KHDRBS3: variants seen among roughly 807,000 people sequenced by gnomAD.
The protein encoded by KHDRBS3 is KH domain-containing, RNA-binding, signal transduction-associated protein 3.
KHDRBS3 carries 23 observed loss-of-function variants against 45.6 expected under a neutral mutation model. That is an observed-to-expected ratio of 0.50 (90% CI 0.36 to 0.72). KHDRBS3 has a LOEUF of 0.72. KHDRBS3 is among the 30% of genes least tolerant of loss of function. The pLI is 0.00. For synonymous variants in KHDRBS3, 162 were observed against 156.5 expected (o/e 1.04, Z -0.26); for missense variants, 352 against 424.8 (o/e 0.83, Z 1.51).
At chr8:135,520,795 A>G (rs552298380) in intron 1 of KHDRBS3, among the ~76,000 whole-genome samples, 1 of 152,192 alleles carries the variant, frequency 6.6e-6, no homozygotes, top group Non-Finnish European at 1.5e-5. Flanking sequence ...AAGGTTGTCT[A>G]GGGTGTTTAA....
chr8:135,627,211 C>G (rs1029327048), intron 7 of KHDRBS3, among the ~76,000 whole-genome samples: 3 of 152,162 alleles, frequency 2.0e-5, no homozygotes, highest in Non-Finnish European at 4.4e-5. Context: ...TACTAAGAAT[C>G]CAGACTGCTT....
intron 5 of KHDRBS3, among the ~76,000 whole-genome samples, chr8:135,580,880 T>TG (rs1828173279): frequency 1.3e-5 from 2 of 152,226 alleles, no homozygotes; most frequent in South Asian, 2.1e-4. Context: ...CCCAAAGTGC[T>TG]GGGATTACAG....
At chr8:135,501,851 C>T (rs994597402) in intron 1 of KHDRBS3, among the ~76,000 whole-genome samples, 5 of 152,190 alleles carry the variant, frequency 3.3e-5, no homozygotes, top group South Asian at 4.1e-4. Flanking sequence ...TAGTAATTCT[C>T]GCTTTTTGCA....
Position 135,646,957 on chromosome 8 carries a change from C to T in KHDRBS3, c.950-36C>T, listed in dbSNP as rs773474358. ...AAAATGAAGCCTGTGGGATTCATGGCAGTGATCTAATTGTGATTCATCTTA... is the reference window on the plus strand; with the variant it reads ...AAAATGAAGCCTGTGGGATTCATGGTAGTGATCTAATTGTGATTCATCTTA... On this transcript the variant is annotated intron_variant, in intron 8 of 8. Transcript: ENST00000355849. 2.0e-5 allele frequency: 22 copies of T among 1,096,872 alleles called. 1 individual carries two copies. In the South Asian group the frequency reaches 2.7e-4, roughly 14 times the overall value. The allele number at this position is 1,096,872 out of a possible 1,614,324, so 67.9% of individuals were successfully genotyped here.
chr8:135,530,438 A>G (rs566479128), intron 2 of KHDRBS3, among the ~76,000 whole-genome samples: 2 of 152,346 alleles, frequency 1.3e-5, no homozygotes, highest in East Asian at 3.9e-4. Context: ...CATTAAAAGA[A>G]ATAATCAATA....
chr8:135,655,223 C>G (rs1039919944), intron 4 of KHDRBS3, among the ~76,000 whole-genome samples: 5 of 152,174 alleles, frequency 3.3e-5, no homozygotes, highest in African/African-American at 1.2e-4. Flanking sequence ...CTGATTCATC[C>G]TAGCAGTACT....
At chr8:135,586,281 A>G (rs1828468204) in intron 6 of KHDRBS3, among the ~76,000 whole-genome samples, 1 of 151,940 alleles carries the variant, frequency 6.6e-6, no homozygotes, top group Non-Finnish European at 1.5e-5. Context: ...TTCAAAGTTC[A>G]AGGCCTATGT....
intron 1 of KHDRBS3, among the ~76,000 whole-genome samples, chr8:135,469,989 G>A (rs1241282297): frequency 4.6e-5 from 7 of 152,154 alleles, no homozygotes; most frequent in Admixed American, 4.6e-4. Flanking sequence ...AAATAAATTA[G>A]GCTTTAATTA....
At chr8:135,517,143 A>G (rs1156614255) in intron 1 of KHDRBS3, among the ~76,000 whole-genome samples, 1 of 152,220 alleles carries the variant, frequency 6.6e-6, no homozygotes, top group Non-Finnish European at 1.5e-5. Context: ...TTTGGTGTAC[A>G]TGGTTTGAAA....
At chr8:135,583,983 T>A (rs1437576450) in intron 6 of KHDRBS3, among the ~76,000 whole-genome samples, 1 of 152,230 alleles carries the variant, frequency 6.6e-6, no homozygotes, top group African/African-American at 2.4e-5. Flanking sequence ...AACAATTGAA[T>A]TGAGAAGTAT....
chr8:135,625,473 C>T, intron 7 of KHDRBS3: 1 of 781,566 alleles, frequency 1.3e-6, no homozygotes, highest in South Asian at 1.4e-5. Flanking sequence ...TTAGGAGCCA[C>T]AGCAGTTCTC....
intron 6 of KHDRBS3, among the ~76,000 whole-genome samples, chr8:135,599,339 T>G (rs1305267259): frequency 6.6e-6 from 1 of 152,244 alleles, no homozygotes; most frequent in South Asian, 2.1e-4. Context: ...TTGTTCAGTT[T>G]TTAATAATGT....
At chr8:135,512,931 G>A (rs1276545868) in intron 1 of KHDRBS3, among the ~76,000 whole-genome samples, 2 of 152,184 alleles carry the variant, frequency 1.3e-5, no homozygotes, top group Non-Finnish European at 2.9e-5. Flanking sequence ...AAGAGCTGGA[G>A]GCTAGGCGCA....
intron 5 of KHDRBS3, among the ~76,000 whole-genome samples, chr8:135,568,418 GA>G (rs34250239): frequency 1.2e-4 from 18 of 151,680 alleles, no homozygotes; most frequent in East Asian, 3.9e-4. Context: ...CTAAATGAGT[GA>G]AAAAAAATGT....
At chr8:135,499,531 T>C (rs1423591724) in intron 1 of KHDRBS3, among the ~76,000 whole-genome samples, 2 of 152,218 alleles carry the variant, frequency 1.3e-5, no homozygotes, top group Non-Finnish European at 2.9e-5. Context: ...ACTTTTCTTA[T>C]CTGGAACTTG....
chr8:135,542,588 A>C, intron 2 of KHDRBS3, 66 bp from the exon 3 acceptor site: 1 of 1,002,552 alleles, frequency 1.0e-6, no homozygotes, highest in Non-Finnish European at 1.6e-6. Context: ...GTGTTTCTTA[A>C]CATTCAAGAT....
At chr8:135,619,073 A>C (rs1422257049) in intron 7 of KHDRBS3, among the ~76,000 whole-genome samples, 1 of 152,134 alleles carries the variant, frequency 6.6e-6, no homozygotes, top group African/African-American at 2.4e-5. Context: ...TAAAGGCATA[A>C]ATGCTTTGCT....
Position 135,645,992 on chromosome 8 carries a change from ATTTTTTTTTTTT to A in KHDRBS3, c.949+894_949+905del, listed in dbSNP as rs57082119. 2.3e-4 allele frequency among the ~76,000 whole-genome samples: 23 copies of A among 100,710 alleles called. No homozygotes were observed. In the South Asian group the frequency reaches 2.3e-3, roughly 10 times the overall value. The allele number at this position is 100,710 out of a possible 152,430, so 66.1% of individuals were successfully genotyped here. ...TGAAGCTGTGATGGCTGCACCTTGG[ATTTTTTTTTTTT>A]TTTTTTTTTTTTTTTTTTGTTATCC... On this transcript the variant is annotated intron_variant, in intron 8 of 8. Transcript: ENST00000355849.
At chr8:135,482,422 T>G (rs1461212399) in intron 1 of KHDRBS3, among the ~76,000 whole-genome samples, 2 of 152,076 alleles carry the variant, frequency 1.3e-5, no homozygotes, top group Non-Finnish European at 2.9e-5. Flanking sequence ...CCTTAGTACG[T>G]AAGAAAAGAG....
Sources: gnomAD v4.1 joint callset for allele counts (sites outside exome capture counted in the v4.1 genomes callset) on GRCh38, gnomAD v4.1.1 for gene constraint, MANE v1.5 for transcripts, NCBI Gene and HGNC (gene_info 2026-07-23, HGNC 2026-07-21) for gene names.